Variants in AFF3 observed in about 807,000 individuals in gnomAD.
AFF3 encodes the protein AF4/FMR2 family member 3.
In AFF3, 32 loss-of-function variants were observed where a neutral mutation model predicts 129.7. The observed-to-expected ratio is 0.25, with a 90% CI of 0.19 to 0.33. The LOEUF (loss-of-function observed/expected upper bound fraction) is 0.33, where lower values mean the gene tolerates loss of function less well. AFF3 is among the 10% of genes least tolerant of loss of function. AFF3 has a pLI of 1.00. For synonymous variants in AFF3, 644 were observed against 635.4 expected, an observed-to-expected ratio of 1.01 and a Z score of -0.20; for missense variants, 1,373 against 1,592.0, an observed-to-expected ratio of 0.86 and a Z score of 2.34.
At position 99,672,175 on chromosome 2, in the gene AFF3, TTCTC is replaced by T. The variant is rs1486072230; in HGVS notation, c.1143+359_1143+362del. On this transcript the variant is annotated intron_variant, in intron 12 of 24. Transcript: ENST00000672756. ...TTTGATCTCCAGAAGGCCAGTTAGC[TTCTC>T]ACACACACACACACACACACACACA... is the stretch of plus-strand genomic sequence containing the variant. 4.1e-3 allele frequency among the ~76,000 whole-genome samples: 569 copies of T among 139,484 alleles called. 4 individuals carry two copies. Among genetic ancestry groups the T allele is most frequent in the East Asian group, 0.011 (54 of 4,794 alleles). 91.5% of individuals were successfully genotyped at this position (139,484 alleles called of 152,430 possible). A position where few individuals can be genotyped will look rare whatever the true frequency, so the allele number is the denominator to read the frequency against.
chr2:99,861,174 C>T (rs1690969690), intron 7 of AFF3, among the ~76,000 whole-genome samples: 1 of 152,148 alleles, frequency 6.6e-6, no homozygotes, highest in Middle Eastern at 3.2e-3. Context: ...GCAATGTTGC[C>T]AGTTAAATGA....
chr2:99,847,924 C>T (rs1354604504), intron 7 of AFF3, among the ~76,000 whole-genome samples: 1 of 152,104 alleles, frequency 6.6e-6, no homozygotes, highest in African/African-American at 2.4e-5. Flanking sequence ...TATTATAAAA[C>T]TCCATGGTAT....
In AFF3 at chr2:99,593,865, C is replaced by A; in HGVS notation, c.1796G>T (p.Gly599Val). The change falls in exon 15 of 25, where the codon GGC becomes GTC. Residue 599 changes from glycine to valine, a missense_variant. Coordinates refer to ENST00000672756, the MANE Select transcript of AFF3 (RefSeq NM_001386135.1). The stretch of plus-strand genomic sequence containing the variant: ...CTCCTCGGGCCGGTGGCAGTTGGCG[C>A]CGTCCCCGGCTGAGGTCCTCTCGGT... ...RRTERTSAGD[G>V]ANCHRPEEPA... The A allele has an allele frequency of 6.4e-7, 1 of 1,570,096 alleles. No homozygotes were observed. The highest frequency in any genetic ancestry group is 8.6e-7 in the Non-Finnish European group (1 of 1,162,736).
At chr2:99,900,753 C>G (rs1694286871) in intron 7 of AFF3, among the ~76,000 whole-genome samples, 1 of 152,194 alleles carries the variant, frequency 6.6e-6, no homozygotes, top group African/African-American at 2.4e-5. Flanking sequence ...GTGGTTCTAG[C>G]AGCTGCTAGA....
chr2:100,104,673 C>T (rs1039365260), intron 3 of AFF3, 155 bp from the exon 4 acceptor site: 2 of 975,218 alleles, frequency 2.1e-6, no homozygotes, highest in Admixed American at 6.5e-5. Flanking sequence ...CTCACCCGCT[C>T]CCCGGCTTGC....
chr2:100,108,754 A>T (rs551875679), intron 2 of AFF3, among the ~76,000 whole-genome samples: 6 of 152,204 alleles, frequency 3.9e-5, no homozygotes, highest in African/African-American at 1.4e-4. Flanking sequence ...ATAATAGCTG[A>T]TTATTGCCCA....
At chr2:99,856,006 TA>T (rs1690497816) in intron 7 of AFF3, among the ~76,000 whole-genome samples, 1 of 152,060 alleles carries the variant, frequency 6.6e-6, no homozygotes, top group African/African-American at 2.4e-5. Context: ...AATTGAGGGG[TA>T]GTCTATAAAT....
intron 7 of AFF3, among the ~76,000 whole-genome samples, chr2:99,852,307 TCC>T (rs1690208061): frequency 6.6e-6 from 1 of 151,838 alleles, no homozygotes; most frequent in Admixed American, 6.6e-5. Flanking sequence ...GAAAAAAACC[TCC>T]CGAGAGACTA....
At chr2:99,970,326 T>A (rs1322201735) in intron 7 of AFF3, among the ~76,000 whole-genome samples, 1 of 152,106 alleles carries the variant, frequency 6.6e-6, no homozygotes, top group Non-Finnish European at 1.5e-5. Flanking sequence ...CCCTTCTGCT[T>A]TCAAACAATC....
At chr2:99,563,194 T>A (rs571476853) in intron 20 of AFF3, among the ~76,000 whole-genome samples, 84 of 151,740 alleles carry the variant, frequency 5.5e-4, no homozygotes, top group Non-Finnish European at 1.1e-3. Flanking sequence ...GTTTTCTTTT[T>A]TTTTTTTCTT....
At chr2:100,045,733 C>T (rs565142832) in intron 4 of AFF3, among the ~76,000 whole-genome samples, 26 of 152,190 alleles carry the variant, frequency 1.7e-4, no homozygotes, top group African/African-American at 6.0e-4. Flanking sequence ...GAATGAAGAC[C>T]TTTATGATGA....
At chr2:99,739,483 G>C (rs1178452251) in intron 10 of AFF3, among the ~76,000 whole-genome samples, 1 of 152,100 alleles carries the variant, frequency 6.6e-6, no homozygotes, top group Non-Finnish European at 1.5e-5. Context: ...TCACTCAACT[G>C]AACAGGACGT....
intron 1 of AFF3, among the ~76,000 whole-genome samples, chr2:100,142,024 G>A (rs1283298961): frequency 6.6e-6 from 1 of 152,130 alleles, no homozygotes; most frequent in East Asian, 1.9e-4. Context: ...CTCCTTGCAA[G>A]CTCACTCACT....
intron 7 of AFF3, among the ~76,000 whole-genome samples, chr2:99,951,925 G>A (rs776211973): frequency 3.9e-5 from 6 of 152,154 alleles, no homozygotes; most frequent in Non-Finnish European, 7.3e-5. Context: ...ACTTTTGATT[G>A]TCTTTGCAAC....
chr2:99,673,780 A>C (rs771613825), intron 11 of AFF3, among the ~76,000 whole-genome samples: 2 of 152,190 alleles, frequency 1.3e-5, no homozygotes, highest in Non-Finnish European at 2.9e-5. Flanking sequence ...CGTAGGAGTC[A>C]TTTCAGTCAC....
chr2:99,676,348 C>A (rs942034962), intron 11 of AFF3, among the ~76,000 whole-genome samples: 1 of 152,206 alleles, frequency 6.6e-6, no homozygotes, highest in Non-Finnish European at 1.5e-5. Flanking sequence ...CCTGCAGCAA[C>A]TCCTCCAAGG....
At position 100,104,827 on chromosome 2, in the gene AFF3, T is replaced by C. The variant is rs1362109295; in HGVS notation, c.-64-309A>G. ...GCCGCCGCCGCCGCCGCCGCCGCGG[T>C]GCTCTGCGCCCGCCCGCCCGCCTCT... On this transcript the variant is annotated intron_variant, in intron 3 of 24. Transcript: ENST00000672756. 127 of 472,646 alleles carry C rather than the reference T, an allele frequency of 2.7e-4. 1 individual carries two copies. The African/African-American group carries it at 3.5e-3, about 13-fold the overall frequency. The allele number at this position is 472,646 out of a possible 1,614,324, so 29.3% of individuals were successfully genotyped here. A position where few individuals can be genotyped will look rare whatever the true frequency, so the allele number is the denominator to read the frequency against.
In AFF3 at chr2:99,903,379, T is replaced by C. The variant is rs555530368; in HGVS notation, c.874-65855A>G. ...ACAGTAAACACTCTATCAATACTTT[T>C]TGAGTACAGGAAGAAATAATAAGTG... On this transcript the variant is annotated intron_variant, in intron 7 of 24. Coordinates refer to ENST00000672756, the MANE Select transcript of AFF3 (RefSeq NM_001386135.1). Among the ~76,000 whole-genome samples the C allele has an allele frequency of 3.3e-5, 5 of 152,286 alleles. No individual in the cohort carries two copies. The South Asian group carries it at 6.2e-4, about 19-fold the overall frequency.
chr2:100,062,164 A>T (rs1401603463), intron 4 of AFF3, among the ~76,000 whole-genome samples: 2 of 152,218 alleles, frequency 1.3e-5, no homozygotes, highest in Non-Finnish European at 2.9e-5. Flanking sequence ...GGTCTGGATG[A>T]GGCAGATCTC....
Sources: allele counts gnomAD v4.1 joint callset (sites outside exome capture counted in the v4.1 genomes callset), GRCh38; gene constraint gnomAD v4.1.1; transcripts MANE v1.5; gene names NCBI Gene and HGNC (gene_info 2026-07-23, HGNC 2026-07-21).